RANBP17: variants seen among roughly 807,000 people sequenced by gnomAD.
RANBP17 encodes ran-binding protein 17.
Under a neutral mutation model 141.2 loss-of-function variants are expected in RANBP17, and 158 were observed. The ratio of observed to expected loss-of-function variants is 1.12; its 90% CI spans 0.98 to 1.28. The LOEUF is 1.28. Ranked by LOEUF, RANBP17 falls within the 50% of genes most tolerant of loss-of-function variation. RANBP17 has a pLI of 0.00. For missense variants in RANBP17, 1,438 were observed against 1,290.7 expected (o/e 1.11, Z -1.75); for synonymous variants, 430 against 450.0 (o/e 0.96, Z 0.56).
At position 170,864,775 on chromosome 5, in the gene RANBP17, A is replaced by G. The variant is rs190715402; in HGVS notation, c.18+2724A>G. On this transcript the variant is annotated intron_variant, in intron 1 of 27. Transcript: ENST00000523189. ...AGCCATGCTTCTTAATCTCCAGTCA[A>G]GCTACCTGATTTGATCTAGATGTGA... 1.3e-3 allele frequency among the ~76,000 whole-genome samples: 199 copies of G among 152,348 alleles called. 1 individual carries two copies. Among genetic ancestry groups the G allele is most frequent in the African/African-American group, 4.7e-3 (194 of 41,586 alleles).
At chr5:170,984,489 T>C (rs1429591014) in intron 14 of RANBP17, among the ~76,000 whole-genome samples, 5 of 152,012 alleles carry the variant, frequency 3.3e-5, no homozygotes, top group Non-Finnish European at 5.9e-5. Flanking sequence ...TAGCTGGGCA[T>C]GGTGACACAC....
intron 14 of RANBP17, among the ~76,000 whole-genome samples, chr5:170,986,868 C>T (rs1778179449): frequency 6.6e-6 from 1 of 151,764 alleles, no homozygotes; most frequent in Non-Finnish European, 1.5e-5. Context: ...AGTAGGAAAA[C>T]ACTTGAATAA....
intron 14 of RANBP17, among the ~76,000 whole-genome samples, chr5:171,061,201 TA>T (rs1218258832): frequency 2.6e-5 from 4 of 151,198 alleles, no homozygotes; most frequent in African/African-American, 9.7e-5. Context: ...TGCCTTCTGC[TA>T]GCTTTTGAAT....
At chr5:170,981,089 A>G (rs932858884) in intron 14 of RANBP17, among the ~76,000 whole-genome samples, 13 of 113,282 alleles carry the variant, frequency 1.1e-4, no homozygotes, top group East Asian at 3.2e-4. Flanking sequence ...TCAAACTTGC[A>G]TGGGGCATGT....
At chr5:170,888,903 AT>A (rs1769375725) in intron 3 of RANBP17, among the ~76,000 whole-genome samples, 1 of 152,076 alleles carries the variant, frequency 6.6e-6, no homozygotes, top group Admixed American at 6.5e-5. Context: ...TTTTCATCTC[AT>A]TCATCACCAT....
At chr5:170,867,950 T>C (rs1767409201) in intron 1 of RANBP17, among the ~76,000 whole-genome samples, 1 of 152,140 alleles carries the variant, frequency 6.6e-6, no homozygotes, top group South Asian at 2.1e-4. Flanking sequence ...AGCCAGGAAA[T>C]CACTGATTTG....
chr5:171,211,650 T>TTA (rs1762899850), intron 20 of RANBP17, among the ~76,000 whole-genome samples: 1 of 149,652 alleles, frequency 6.7e-6, no homozygotes, highest in African/African-American at 2.5e-5. Context: ...TTTTTTTTTT[T>TTA]ACTGGTGTCT....
At chr5:170,980,925 A>G (rs1777725079) in intron 14 of RANBP17, among the ~76,000 whole-genome samples, 1 of 152,130 alleles carries the variant, frequency 6.6e-6, no homozygotes, top group Admixed American at 6.5e-5. Context: ...CAGCCTGTGA[A>G]AGCAGTAGAG....
chr5:170,922,142 G>A (rs1463193046), intron 11 of RANBP17, among the ~76,000 whole-genome samples: 5 of 152,028 alleles, frequency 3.3e-5, no homozygotes, highest in Admixed American at 1.3e-4. Flanking sequence ...TGTTTGTCTT[G>A]GTATTAACAG....
intron 14 of RANBP17, among the ~76,000 whole-genome samples, chr5:171,073,037 G>T (rs1784718371): frequency 6.6e-6 from 1 of 152,014 alleles, no homozygotes. Context: ...AAACAGATAG[G>T]TGGTTACCAG....
At chr5:171,198,865 G>A (rs1014000961) in intron 18 of RANBP17, among the ~76,000 whole-genome samples, 2 of 152,148 alleles carry the variant, frequency 1.3e-5, no homozygotes, top group African/African-American at 4.8e-5. Context: ...AGTGCAGCTC[G>A]TAGCTCCCTG....
intron 11 of RANBP17, 82 bp from the exon 12 acceptor site, chr5:170,924,275 T>G: frequency 2.2e-6 from 2 of 914,942 alleles, no homozygotes; most frequent in Non-Finnish European, 3.2e-6. Context: ...TATAGAATTT[T>G]TATTTAACAT....
At chr5:171,102,437 C>T (rs1361020343) in intron 14 of RANBP17, among the ~76,000 whole-genome samples, 1 of 151,918 alleles carries the variant, frequency 6.6e-6, no homozygotes, top group African/African-American at 2.4e-5. Flanking sequence ...TTTTTTTCAG[C>T]TCCATCAGGT....
intron 14 of RANBP17, among the ~76,000 whole-genome samples, chr5:171,123,257 C>T (rs1046091820): frequency 5.3e-5 from 8 of 152,282 alleles, no homozygotes; most frequent in African/African-American, 1.9e-4. Flanking sequence ...CTGGTACCCA[C>T]ACATGTCATC....
Position 171,299,038 on chromosome 5 carries a change from T to C in RANBP17, c.*180T>C, listed in dbSNP as rs1768995278. Reference sequence around the variant, plus strand: ...TTATAAGAATTTCTAACAGTACCAGTGTAAATTCAGTCTTTTCTCTGAAAA... The same window carrying C: ...TTATAAGAATTTCTAACAGTACCAGCGTAAATTCAGTCTTTTCTCTGAAAA... On this transcript the variant is annotated 3_prime_UTR_variant, in exon 28 of 28. Coordinates refer to ENST00000523189, the MANE Select transcript of RANBP17 (RefSeq NM_022897.5). 1 of 469,788 alleles carries C rather than the reference T, an allele frequency of 2.1e-6. No individual in the cohort carries two copies. 29.1% of individuals were successfully genotyped at this position (469,788 alleles called of 1,614,324 possible).
intron 25 of RANBP17, among the ~76,000 whole-genome samples, chr5:171,275,711 A>C (rs369484162): frequency 6.6e-6 from 1 of 152,212 alleles, no homozygotes; most frequent in East Asian, 1.9e-4. Flanking sequence ...TCAGGCCTAG[A>C]TTAGCATTAT....
intron 14 of RANBP17, among the ~76,000 whole-genome samples, chr5:171,113,944 A>G (rs974968745): frequency 2.6e-5 from 4 of 152,228 alleles, no homozygotes; most frequent in African/African-American, 4.8e-5. Context: ...TATAAAATGT[A>G]AAACAGCACC....
chr5:171,183,636 C>T lies in RANBP17; in HGVS notation c.2038+206C>T, dbSNP rs566378189. Among the ~76,000 whole-genome samples, 60 of 152,344 alleles carry T rather than the reference C, an allele frequency of 3.9e-4. 2 individuals are homozygous for T. The highest frequency in any genetic ancestry group is 8.3e-4 in the South Asian group (4 of 4,828). On this transcript the variant is annotated intron_variant, in intron 18 of 27. Transcript: ENST00000523189. ...TTTGTACTTAAGGTGGCATTTTTCA[C>T]TTCACATAACACTTGCACTGATTTT...
intron 13 of RANBP17, among the ~76,000 whole-genome samples, chr5:170,963,561 G>T (rs1776298954): frequency 6.6e-6 from 1 of 152,238 alleles, no homozygotes; most frequent in Admixed American, 6.5e-5. Context: ...GATGGTTTCA[G>T]GATGAAACTG....
Sources: gnomAD v4.1 joint callset for allele counts (sites outside exome capture counted in the v4.1 genomes callset) on GRCh38, gnomAD v4.1.1 for gene constraint, MANE v1.5 for transcripts, NCBI Gene and HGNC (gene_info 2026-07-23, HGNC 2026-07-21) for gene names.